Variants in BNC2 observed in about 807,000 individuals in gnomAD.
The protein encoded by BNC2 is zinc finger protein basonuclin-2.
In BNC2, 20 loss-of-function variants were observed where a neutral mutation model predicts 76.3. The ratio of observed to expected loss-of-function variants is 0.26; its 90% CI spans 0.18 to 0.38. The LOEUF (loss-of-function observed/expected upper bound fraction) is 0.38, where lower values mean the gene tolerates loss of function less well. Ranked by LOEUF, BNC2 falls within the 10% of genes least tolerant of loss-of-function variation. The probability of loss-of-function intolerance (pLI) is 1.00; values close to 1 mark genes in which losing one functional copy is unlikely to be tolerated. For synonymous variants in BNC2, 582 were observed against 514.8 expected (o/e 1.13, Z -1.77); for missense variants, 1,382 against 1,399.8 (o/e 0.99, Z 0.20).
chr9:16,764,282 T>C (rs1825631071), intron 1 of BNC2, among the ~76,000 whole-genome samples: 1 of 152,330 alleles, frequency 6.6e-6, no homozygotes, highest in Non-Finnish European at 1.5e-5. Flanking sequence ...GCATAAAGAT[T>C]GTATTTTCTG....
intron 3 of BNC2, among the ~76,000 whole-genome samples, chr9:16,689,592 G>C (rs1463413370): frequency 6.6e-6 from 1 of 151,856 alleles, no homozygotes; most frequent in Non-Finnish European, 1.5e-5. Context: ...GCTTCAGTCT[G>C]GCAGTGTTGA....
intron 5 of BNC2, among the ~76,000 whole-genome samples, chr9:16,513,299 C>CTTTTT (rs1202222924): frequency 1.6e-4 from 14 of 85,548 alleles, no homozygotes; most frequent in Non-Finnish European, 2.7e-4. Context: ...AGAAAAGGTT[C>CTTTTT]TTTTTTTTTT....
At chr9:16,862,535 C>A (rs910996011) in intron 1 of BNC2, among the ~76,000 whole-genome samples, 1 of 152,190 alleles carries the variant, frequency 6.6e-6, no homozygotes, top group Non-Finnish European at 1.5e-5. Flanking sequence ...TGTTCTGAGT[C>A]TCTAACAGGC....
At chr9:16,665,112 T>C in intron 3 of BNC2, 1 of 455,430 alleles carries the variant, frequency 2.2e-6, no homozygotes, top group Non-Finnish European at 4.4e-6. Flanking sequence ...CTCACGCCTG[T>C]AATCCCAGCA....
At chr9:16,778,484 AAAC>A (rs1826030707) in intron 1 of BNC2, among the ~76,000 whole-genome samples, 2 of 152,242 alleles carry the variant, frequency 1.3e-5, no homozygotes, top group South Asian at 4.1e-4. Context: ...ACTTCATTCA[AAAC>A]AATAATCCAA....
chr9:16,656,859 G>A (rs1821945101), intron 3 of BNC2, among the ~76,000 whole-genome samples: 1 of 152,142 alleles, frequency 6.6e-6, no homozygotes, highest in Non-Finnish European at 1.5e-5. Context: ...CAAGATTAGA[G>A]GCACTGGGGA....
intron 5 of BNC2, among the ~76,000 whole-genome samples, chr9:16,447,501 A>G (rs75911179): frequency 0.016 from 2,415 of 152,198 alleles, 52 homozygotes; most frequent in African/African-American, 0.055. Context: ...TATTTTTAGA[A>G]TATGTGTATT....
chr9:16,431,934 C>T (rs570218506), intron 6 of BNC2, among the ~76,000 whole-genome samples: 85 of 152,362 alleles, frequency 5.6e-4, no homozygotes, highest in African/African-American at 2.0e-3. Flanking sequence ...CCACCCACCA[C>T]TCACCTCCTG....
chr9:16,818,183 T>C (rs1390091994), intron 1 of BNC2, among the ~76,000 whole-genome samples: 1 of 152,152 alleles, frequency 6.6e-6, no homozygotes, highest in East Asian at 1.9e-4. Flanking sequence ...GGTGGGCAGA[T>C]CACGAGGTCA....
chr9:16,613,593 T>A (rs956725858), intron 3 of BNC2, among the ~76,000 whole-genome samples: 2 of 152,206 alleles, frequency 1.3e-5, no homozygotes, highest in South Asian at 4.1e-4. Flanking sequence ...TTTCAATTAC[T>A]GAGATTGTGC....
chr9:16,480,586 C>T (rs935057263), intron 5 of BNC2, among the ~76,000 whole-genome samples: 1 of 152,170 alleles, frequency 6.6e-6, no homozygotes. Flanking sequence ...GTGGGCTTGG[C>T]GGGCCCCACA....
At chr9:16,859,672 G>A (rs924236890) in intron 1 of BNC2, among the ~76,000 whole-genome samples, 2 of 152,210 alleles carry the variant, frequency 1.3e-5, no homozygotes, top group Non-Finnish European at 2.9e-5. Flanking sequence ...CTTAGAAATA[G>A]AAGCTAGAAT....
chr9:16,771,156 G>T (rs77301278), intron 1 of BNC2, among the ~76,000 whole-genome samples: 1 of 152,084 alleles, frequency 6.6e-6, no homozygotes, highest in African/African-American at 2.4e-5. Context: ...GTGACAGAGC[G>T]AGACTCTGTC....
chr9:16,464,039 A>G (rs1821648590), intron 5 of BNC2, among the ~76,000 whole-genome samples: 1 of 146,738 alleles, frequency 6.8e-6, no homozygotes, highest in South Asian at 2.2e-4. Flanking sequence ...GGTTACAGTG[A>G]GCCAAGATTG....
chr9:16,667,511 T>C (rs2134140472), intron 3 of BNC2, among the ~76,000 whole-genome samples: 1 of 152,196 alleles, frequency 6.6e-6, no homozygotes. Context: ...TCCTTAACAG[T>C]CCAAGAAAGT....
At chr9:16,806,238 G>A (rs1024747797) in intron 1 of BNC2, among the ~76,000 whole-genome samples, 3 of 152,182 alleles carry the variant, frequency 2.0e-5, no homozygotes, top group Non-Finnish European at 4.4e-5. Flanking sequence ...CGTTCTGGGA[G>A]GCAAAAGCAG....
chr9:16,790,817 CTTT>C (rs372342400), intron 1 of BNC2, among the ~76,000 whole-genome samples: 1 of 128,824 alleles, frequency 7.8e-6, no homozygotes, highest in Admixed American at 7.9e-5. Context: ...CCTTGGTAAG[CTTT>C]TTTTTTTTTT....
At chr9:16,775,152 C>T (rs986563664) in intron 1 of BNC2, among the ~76,000 whole-genome samples, 34 of 152,132 alleles carry the variant, frequency 2.2e-4, no homozygotes, top group African/African-American at 8.2e-4. Flanking sequence ...ATCAAAAGAC[C>T]TGGGGGTAGG....
intron 3 of BNC2, among the ~76,000 whole-genome samples, chr9:16,608,848 C>G (rs917218466): frequency 6.6e-6 from 1 of 152,192 alleles, no homozygotes; most frequent in Non-Finnish European, 1.5e-5. Flanking sequence ...AGTCAAACTC[C>G]ACTTCCTCTT....
Sources: gnomAD v4.1 joint callset for allele counts (sites outside exome capture counted in the v4.1 genomes callset) on GRCh38, gnomAD v4.1.1 for gene constraint, MANE v1.5 for transcripts, NCBI Gene and HGNC (gene_info 2026-07-23, HGNC 2026-07-21) for gene names.